BORCS5: variants seen among roughly 807,000 people sequenced by gnomAD.
BORCS5 encodes BLOC-1-related complex subunit 5.
BORCS5 carries 17 observed loss-of-function variants against 22.1 expected under a neutral mutation model. The observed-to-expected ratio is 0.77, with a 90% CI of 0.53 to 1.15. The LOEUF is 1.15. Ranked by LOEUF, BORCS5 falls within the 50% of genes most tolerant of loss-of-function variation. The pLI, the probability that BORCS5 is intolerant of heterozygous loss-of-function variation, is 0.00. For synonymous variants in BORCS5, 117 were observed against 99.8 expected, an observed-to-expected ratio of 1.17 and a Z score of -1.03; for missense variants, 247 against 253.2, an observed-to-expected ratio of 0.98 and a Z score of 0.17.
At chr12:12,450,715 T>C (rs1942891827) in intron 3 of BORCS5, among the ~76,000 whole-genome samples, 1 of 152,204 alleles carries the variant, frequency 6.6e-6, no homozygotes, top group East Asian at 1.9e-4. Context: ...CCGAAAAGCA[T>C]GGGTTTGAAT....
chr12:12,369,644 T>A (rs1863478523), intron 2 of BORCS5, among the ~76,000 whole-genome samples: 1 of 151,780 alleles, frequency 6.6e-6, no homozygotes, highest in African/African-American at 2.4e-5. Context: ...CATTTAGAAT[T>A]ACTATTGTAT....
intron 3 of BORCS5, among the ~76,000 whole-genome samples, chr12:12,458,504 A>G (rs563305458): frequency 2.6e-5 from 4 of 150,970 alleles, no homozygotes; most frequent in East Asian, 1.9e-4. Context: ...CATTATTTTC[A>G]TAGGGAATAA....
Position 12,447,827 on chromosome 12 carries a change from A to G in BORCS5, c.360+12042A>G, listed in dbSNP as rs537509912. Among the ~76,000 whole-genome samples the G allele has an allele frequency of 1.2e-3, 177 of 152,290 alleles. 6 individuals carry two copies. In the South Asian group the frequency reaches 0.034, roughly 30 times the overall value. On this transcript the variant is annotated intron_variant, in intron 3 of 3. Coordinates refer to ENST00000314565, the MANE Select transcript of BORCS5 (RefSeq NM_058169.6). Reference sequence around the variant, plus strand: ...TTAAGTGTGTCACTTTGGTCACACAAACTTACTTTTACCTCTCTTTAATTC... The same window carrying G: ...TTAAGTGTGTCACTTTGGTCACACAGACTTACTTTTACCTCTCTTTAATTC...
At chr12:12,374,346 A>G (rs1485756680) in intron 2 of BORCS5, among the ~76,000 whole-genome samples, 2 of 151,902 alleles carry the variant, frequency 1.3e-5, no homozygotes, top group African/African-American at 4.8e-5. Flanking sequence ...TATTTAAAAG[A>G]TGCTGGCCAG....
intron 2 of BORCS5, among the ~76,000 whole-genome samples, chr12:12,415,741 T>C (rs1244465888): frequency 1.3e-5 from 2 of 151,976 alleles, no homozygotes; most frequent in African/African-American, 4.8e-5. Context: ...GGATTTTGTT[T>C]GGGATTTTTG....
At chr12:12,418,423 C>G (rs1330424699) in intron 2 of BORCS5, among the ~76,000 whole-genome samples, 3 of 152,142 alleles carry the variant, frequency 2.0e-5, no homozygotes, top group Non-Finnish European at 4.4e-5. Context: ...CAGTAACTCA[C>G]TCCTATAATC....
chr12:12,420,503 G>A (rs1332643802), intron 2 of BORCS5, among the ~76,000 whole-genome samples: 1 of 152,050 alleles, frequency 6.6e-6, no homozygotes, highest in Non-Finnish European at 1.5e-5. Context: ...TGTTCTTTTT[G>A]CTTAGGATTG....
intron 3 of BORCS5, among the ~76,000 whole-genome samples, chr12:12,446,072 T>C (rs1942782763): frequency 6.6e-6 from 1 of 152,208 alleles, no homozygotes; most frequent in Admixed American, 6.5e-5. Flanking sequence ...CGCACATGCC[T>C]TTACATGTCT....
intron 2 of BORCS5, among the ~76,000 whole-genome samples, chr12:12,429,687 G>A (rs1231163563): frequency 3.3e-5 from 5 of 152,076 alleles, no homozygotes; most frequent in Non-Finnish European, 7.4e-5. Context: ...TACTTCCCTC[G>A]TTTCCCTCAC....
chr12:12,436,885 T>C (rs535303727), intron 3 of BORCS5, among the ~76,000 whole-genome samples: 4 of 152,340 alleles, frequency 2.6e-5, no homozygotes, highest in South Asian at 4.1e-4. Context: ...ACCTTTGATA[T>C]TGCTTTTCAT....
chr12:12,399,070 T>C (rs566722196), intron 2 of BORCS5, among the ~76,000 whole-genome samples: 1 of 152,292 alleles, frequency 6.6e-6, no homozygotes, highest in Non-Finnish European at 1.5e-5. Flanking sequence ...TCTTCCAGAT[T>C]ACCTCTGTGT....
chr12:12,357,882 TAAA>T (rs965771228), intron 1 of BORCS5, among the ~76,000 whole-genome samples: 1 of 152,230 alleles, frequency 6.6e-6, no homozygotes, highest in African/African-American at 2.4e-5. Context: ...GTCTGTTTCT[TAAA>T]AACGGGTGTT....
intron 2 of BORCS5, among the ~76,000 whole-genome samples, chr12:12,395,757 A>G (rs1941323874): frequency 6.6e-6 from 1 of 152,120 alleles, no homozygotes; most frequent in Non-Finnish European, 1.5e-5. Flanking sequence ...GACAGTGGCC[A>G]AAGATGGACA....
chr12:12,364,507 T>C (rs903225993), intron 2 of BORCS5, among the ~76,000 whole-genome samples: 1 of 152,206 alleles, frequency 6.6e-6, no homozygotes, highest in Non-Finnish European at 1.5e-5. Context: ...AGTTTTGCTG[T>C]CTTAGGGGTG....
In BORCS5 at chr12:12,464,832, G is replaced by C. The variant is rs573800767; in HGVS notation, c.361-714G>C. Reference sequence around the variant, plus strand: ...GTTTGACAAATGTGGTGTGTTGTAAGGACGGGAGCCTTGGTTGCATTTTTG... The same window carrying C: ...GTTTGACAAATGTGGTGTGTTGTAACGACGGGAGCCTTGGTTGCATTTTTG... On this transcript the variant is annotated intron_variant, in intron 3 of 3. Transcript: ENST00000314565. Among the ~76,000 whole-genome samples the C allele has an allele frequency of 4.6e-5, 7 of 151,790 alleles. No individual in the cohort carries two copies. The East Asian group carries it at 1.3e-3, about 29-fold the overall frequency.
At chr12:12,402,136 C>G (rs947748894) in intron 2 of BORCS5, among the ~76,000 whole-genome samples, 22 of 150,772 alleles carry the variant, frequency 1.5e-4, no homozygotes, top group Non-Finnish European at 4.4e-5. Flanking sequence ...ATAGTTTAAT[C>G]ATTCTCCCAT....
chr12:12,427,347 A>T (rs573054240), intron 2 of BORCS5, among the ~76,000 whole-genome samples: 229 of 151,544 alleles, frequency 1.5e-3, no homozygotes, highest in African/African-American at 5.3e-3. Context: ...CGCCCAGCTA[A>T]TTTTTTGTAT....
intron 3 of BORCS5, among the ~76,000 whole-genome samples, chr12:12,465,241 ACATCCAGAATTCCCCT>A (rs1413995215): frequency 2.0e-5 from 3 of 152,190 alleles, no homozygotes; most frequent in African/African-American, 7.2e-5. Flanking sequence ...ACTGATTTCC[ACATCCAGAATTCCCCT>A]CATATAGGGA....
In BORCS5 at chr12:12,466,730, C is replaced by T. The variant is rs980351077; in HGVS notation, c.*954C>T. 2.0e-5 allele frequency: 3 copies of T among 152,320 alleles called. No homozygotes were observed. The highest frequency in any genetic ancestry group is 4.4e-5 in the Non-Finnish European group (3 of 68,180). 9.4% of individuals were successfully genotyped at this position (152,320 alleles called of 1,614,324 possible). A position where few individuals can be genotyped will look rare whatever the true frequency, so the allele number is the denominator to read the frequency against. On this transcript the variant is annotated 3_prime_UTR_variant, in exon 4 of 4. Transcript: ENST00000314565. ...CAAAGAGTGGAATGTGAGGAGCAGA[C>T]CTAGGCAGACACCTTGAGACTAAAA...
Sources: gnomAD v4.1 joint callset for allele counts (sites outside exome capture counted in the v4.1 genomes callset) on GRCh38, gnomAD v4.1.1 for gene constraint, MANE v1.5 for transcripts, NCBI Gene and HGNC (gene_info 2026-07-23, HGNC 2026-07-21) for gene names.